DYNC1H1: variants seen among roughly 807,000 people sequenced by gnomAD.
DYNC1H1 encodes dynein cytoplasmic 1 heavy chain 1.
A neutral mutation model predicts 527.1 loss-of-function variants in DYNC1H1; 51 were observed. The observed-to-expected ratio is 0.10, with a 90% confidence interval of 0.08 to 0.12. The LOEUF is 0.12. Among genes scored for constraint, DYNC1H1 ranks in the 10% least tolerant of loss-of-function variants. DYNC1H1 has a pLI of 1.00. For synonymous variants in DYNC1H1, 2,189 were observed against 2,278.8 expected (o/e 0.96, Z 1.12); for missense variants, 2,771 against 5,971.8 (o/e 0.46, Z 17.66).
intron 34 of DYNC1H1, among the ~76,000 whole-genome samples, chr14:102,013,434 C>T (rs907304399): frequency 2.0e-5 from 3 of 152,004 alleles, no homozygotes; most frequent in South Asian, 2.1e-4. Flanking sequence ...TGAGCAGACA[C>T]TTAGGGGAGT....
At chr14:102,048,707 G>A (rs564237713) in intron 74 of DYNC1H1, 38 bp downstream of exon 74, 58 of 1,605,456 alleles carry the variant, frequency 3.6e-5, no homozygotes, top group African/African-American at 4.0e-5. Context: ...GGCTTCCGGC[G>A]GGCACCTTGG....
Position 102,042,619 on chromosome 14 carries a change from C to T in DYNC1H1, c.12400-16C>T, listed in dbSNP as rs541260458. ...CATCCACACCCGAGCATAACTGGAA[C>T]GGCGCTCTCCCTTAGGTGCCTGTGA... On this transcript the variant is annotated splice_polypyrimidine_tract_variant and intron_variant, in intron 68 of 77. Coordinates refer to ENST00000360184, the MANE Select transcript of DYNC1H1 (RefSeq NM_001376.5). This position sits in a 1 kb window ranked among gnomAD's most constrained non-coding sequence, Gnocchi z 5.7. The T allele has an allele frequency of 7.4e-6, 12 of 1,614,062 alleles. No individual in the cohort carries two copies. The highest frequency in any genetic ancestry group is 1.6e-4 in the Middle Eastern group (1 of 6,062).
Position 102,044,178 on chromosome 14 carries a change from C to G in DYNC1H1, c.12685-96C>G, listed in dbSNP as rs773133440. 2.2e-5 allele frequency: 35 copies of G among 1,583,682 alleles called. No individual in the cohort carries two copies. Among genetic ancestry groups the G allele is most frequent in the Non-Finnish European group, 2.9e-5 (34 of 1,165,556 alleles). ...TCGTGACCGCCAAAGCCTAGCTGGCCATGGGGAGTGAGGAGGAAAGCTGTG... is the reference window on the plus strand; with the variant it reads ...TCGTGACCGCCAAAGCCTAGCTGGCGATGGGGAGTGAGGAGGAAAGCTGTG... On this transcript the variant is annotated intron_variant, in intron 70 of 77. Coordinates refer to ENST00000360184, the MANE Select transcript of DYNC1H1 (RefSeq NM_001376.5). This position sits in a 1 kb window ranked among gnomAD's most constrained non-coding sequence, Gnocchi z 7.1.
At position 102,001,666 on chromosome 14, in the gene DYNC1H1, C is replaced by G; in HGVS notation, c.4527C>G (p.Leu1509=). The G allele has an allele frequency of 6.2e-7, 1 of 1,614,164 alleles. No homozygotes were observed. The highest frequency in any genetic ancestry group is 8.5e-7 in the Non-Finnish European group (1 of 1,180,050). The change falls in exon 21 of 78, where the codon CTC becomes CTG. Residue 1509 remains leucine (L), a synonymous_variant. Coordinates refer to ENST00000360184, the MANE Select transcript of DYNC1H1 (RefSeq NM_001376.5). The surrounding 1 kb of genome is among the most constrained non-coding windows in gnomAD (Gnocchi z 5.0). ...TCAACAGCGTCTCGGCCATGAAGCT[C>G]TCTCCGTATTACAAGGTGCTGTTGC... ...EHINSVSAMK[L]SPYYKVFEED...
intron 34 of DYNC1H1, among the ~76,000 whole-genome samples, chr14:102,014,900 C>T (rs982398607): frequency 6.6e-6 from 1 of 152,134 alleles, no homozygotes; most frequent in Admixed American, 6.6e-5. Context: ...ACTGCAGCCT[C>T]CACCTCCCAG....
chr14:102,050,443 A>G lies in DYNC1H1; in HGVS notation c.13821A>G (p.Leu4607=). The part of the protein sequence containing the change: ...NTEKKASVVT[L]PVYLNFTRAD... Reference sequence around the variant, plus strand: ...CCCCTCTGCTTCTGCAGGTAACCTTACCTGTCTACCTGAACTTCACCCGTG... The same window carrying G: ...CCCCTCTGCTTCTGCAGGTAACCTTGCCTGTCTACCTGAACTTCACCCGTG... Residue 4607 remains leucine, a synonymous_variant, in exon 78 of 78, where the codon TTA becomes TTG. Coordinates refer to ENST00000360184, the MANE Select transcript of DYNC1H1 (RefSeq NM_001376.5). 6.2e-7 allele frequency: 1 copy of G among 1,613,966 alleles called. No individual in the cohort carries two copies. Among genetic ancestry groups the G allele is most frequent in the Non-Finnish European group, 8.5e-7 (1 of 1,179,990 alleles).
Position 102,012,623 on chromosome 14 carries a change from C to T in DYNC1H1, c.7014+153C>T. 3 of 1,093,208 alleles carry T rather than the reference C, an allele frequency of 2.7e-6. No individual in the cohort carries two copies. Among genetic ancestry groups the T allele is most frequent in the South Asian group, 1.3e-5 (1 of 76,246 alleles). 67.7% of individuals were successfully genotyped at this position (1,093,208 alleles called of 1,614,324 possible). ...ATTTTCAAAGATAGCATCTCAACTG[C>T]TAGATTTTTTTTCCATTTCCATGGC... On this transcript the variant is annotated intron_variant, in intron 34 of 77. Coordinates refer to ENST00000360184, the MANE Select transcript of DYNC1H1 (RefSeq NM_001376.5). The surrounding 1 kb of genome is among the most constrained non-coding windows in gnomAD (Gnocchi z 4.9).
rs374433034 is a variant in DYNC1H1, at chr14:102,001,085, G to A, written c.4185+21G>A. ...TGAAGGTAGGTGGCCAGTATCGCAC[G>A]GTGATGAGTGTCCATTAGAAACGCA... On this transcript the variant is annotated intron_variant, in intron 19 of 77. Coordinates refer to ENST00000360184, the MANE Select transcript of DYNC1H1 (RefSeq NM_001376.5). This position sits in a 1 kb window ranked among gnomAD's most constrained non-coding sequence, Gnocchi z 5.0. The A allele has an allele frequency of 3.5e-5, 56 of 1,613,808 alleles. No individual in the cohort carries two copies. Among genetic ancestry groups the A allele is most frequent in the Admixed American group, 1.5e-4 (9 of 59,996 alleles).
intron 41 of DYNC1H1, among the ~76,000 whole-genome samples, chr14:102,019,555 G>A (rs955527264): frequency 1.4e-4 from 22 of 152,198 alleles, no homozygotes; most frequent in Non-Finnish European, 2.8e-4. Flanking sequence ...AAAGTGAGCA[G>A]CTTGAATCTA....
chr14:101,990,749 G>T (rs535205423), intron 10 of DYNC1H1, among the ~76,000 whole-genome samples: 113 of 152,044 alleles, frequency 7.4e-4, no homozygotes, highest in Non-Finnish European at 1.2e-3. Context: ...GGTGGCTCAT[G>T]CCTGTAATCC....
At chr14:101,998,569 G>A (rs2048091841) in intron 16 of DYNC1H1, among the ~76,000 whole-genome samples, 1 of 152,206 alleles carries the variant, frequency 6.6e-6, no homozygotes, top group African/African-American at 2.4e-5. Context: ...CTCATTTGGG[G>A]ATGTAAGTTT....
rs2048139057 is a variant in DYNC1H1, at chr14:102,002,159, G to A, written c.4543-378G>A. Among the ~76,000 whole-genome samples the A allele has an allele frequency of 6.7e-6, 1 of 150,262 alleles. No homozygotes were observed. Among genetic ancestry groups the A allele is most frequent in the African/African-American group, 2.5e-5 (1 of 40,778 alleles). The stretch of plus-strand genomic sequence containing the variant: ...GGAGTCTCGCTCTGTCACCCAGGCT[G>A]GAGTGCAATGGCACGATCTCGGCTC... On this transcript the variant is annotated intron_variant, in intron 21 of 77. Coordinates refer to ENST00000360184, the MANE Select transcript of DYNC1H1 (RefSeq NM_001376.5). This position sits in a 1 kb window ranked among gnomAD's most constrained non-coding sequence, Gnocchi z 4.4.
rs776114149 is a variant in DYNC1H1 at position 102,049,995 on chromosome 14, C to T, written c.13685-76C>T. The T allele has an allele frequency of 6.8e-6, 11 of 1,614,060 alleles. No individual in the cohort carries two copies. The highest frequency in any genetic ancestry group is 8.5e-6 in the Non-Finnish European group (10 of 1,179,996). On this transcript the variant is annotated intron_variant, in intron 76 of 77. Transcript: ENST00000360184. This position sits in a 1 kb window ranked among gnomAD's most constrained non-coding sequence, Gnocchi z 5.5. ...TGACCGGCTGGCAGTTGGGTGGAGC[C>T]TCTGGGCGCCCTGTGACTGGGGTTT...
Position 102,027,086 on chromosome 14 carries a change from T to C in DYNC1H1, c.8772-88T>C. The C allele has an allele frequency of 2.1e-6, 3 of 1,412,738 alleles. No homozygotes were observed. The highest frequency in any genetic ancestry group is 3.3e-5 in the Admixed American group (2 of 59,756). 87.5% of individuals were successfully genotyped at this position (1,412,738 alleles called of 1,614,324 possible). Reference sequence around the variant, plus strand: ...ATATACAAGTTCAAGTTAAAACATGTCCAAAATACTGTAGACACTAGATAT... The same window carrying C: ...ATATACAAGTTCAAGTTAAAACATGCCCAAAATACTGTAGACACTAGATAT... On this transcript the variant is annotated intron_variant, in intron 44 of 77. Transcript: ENST00000360184. The surrounding 1 kb of genome is among the most constrained non-coding windows in gnomAD (Gnocchi z 7.7).
In DYNC1H1 at chr14:101,964,708, G is replaced by T; in HGVS notation, c.17G>T (p.Gly6Val). Reference protein sequence around the residue: MSEPGGGGGEDGSAGL... With the variant: MSEPGVGGGEDGSAGL... ...CGCGACACCATGTCGGAGCCCGGGG[G>T]CGGCGGCGGCGAGGACGGCTCGGCC... is the stretch of plus-strand genomic sequence containing the variant. Residue 6 changes from glycine to valine, a missense_variant, in exon 1 of 78, where the codon GGC becomes GTC. Around this residue, in one of 32 missense-constraint regions of DYNC1H1, gnomAD observed 101 missense variants for 105.3 expected, o/e 0.96. Transcript: ENST00000360184. This position sits in a 1 kb window ranked among gnomAD's most constrained non-coding sequence, Gnocchi z 5.5. The T allele has an allele frequency of 2.5e-6, 4 of 1,595,206 alleles. No homozygotes were observed. Among genetic ancestry groups the T allele is most frequent in the Non-Finnish European group, 2.6e-6 (3 of 1,175,662 alleles).
chr14:102,036,802 T>G lies in DYNC1H1; in HGVS notation c.10908+160T>G. The G allele has an allele frequency of 9.4e-7, 1 of 1,062,154 alleles. No homozygotes were observed. The highest frequency in any genetic ancestry group is 1.4e-6 in the Non-Finnish European group (1 of 712,200). The allele number at this position is 1,062,154 out of a possible 1,614,324, so 65.8% of individuals were successfully genotyped here. On this transcript the variant is annotated intron_variant, in intron 57 of 77. Coordinates refer to ENST00000360184, the MANE Select transcript of DYNC1H1 (RefSeq NM_001376.5). The surrounding 1 kb of genome is among the most constrained non-coding windows in gnomAD (Gnocchi z 5.6). ...AGATAAATTCAACAGAATCATTATT[T>G]GCATTTAAAATTCTATTCAGTGGTC...
rs758423782 is a variant in DYNC1H1 at position 101,987,641 on chromosome 14, T to C, written c.2718+9T>C. The C allele has an allele frequency of 1.9e-6, 3 of 1,614,136 alleles. No homozygotes were observed. The highest frequency in any genetic ancestry group is 1.1e-5 in the South Asian group (1 of 91,076). ...ACAAGCTTGACATGGAGGTAAGGGATAGAATTTGCTAGCATTTTCCTCCTT... is the reference window on the plus strand; with the variant it reads ...ACAAGCTTGACATGGAGGTAAGGGACAGAATTTGCTAGCATTTTCCTCCTT... On this transcript the variant is annotated intron_variant, in intron 9 of 77. Coordinates refer to ENST00000360184, the MANE Select transcript of DYNC1H1 (RefSeq NM_001376.5).
intron 1 of DYNC1H1, among the ~76,000 whole-genome samples, chr14:101,972,777 A>G (rs2047754577): frequency 6.6e-6 from 1 of 152,162 alleles, no homozygotes; most frequent in Non-Finnish European, 1.5e-5. Flanking sequence ...ATTTCCTTTG[A>G]TCATTATAGA....
Position 102,049,962 on chromosome 14 carries a change from A to AC in DYNC1H1, c.13684+81dup. 6.7e-7 allele frequency: 1 copy of AC among 1,489,684 alleles called. No individual in the cohort carries two copies. Among genetic ancestry groups the AC allele is most frequent in the Non-Finnish European group, 9.0e-7 (1 of 1,115,154 alleles). The allele number at this position is 1,489,684 out of a possible 1,614,324, so 92.3% of individuals were successfully genotyped here. The stretch of plus-strand genomic sequence containing the variant: ...GAGACCATTGTTCCCAGATACATGC[A>AC]CTTAGGGTGACCGGCTGGCAGTTGG... On this transcript the variant is annotated intron_variant, in intron 76 of 77. Transcript: ENST00000360184. This position sits in a 1 kb window ranked among gnomAD's most constrained non-coding sequence, Gnocchi z 5.5.
Sources: allele counts gnomAD v4.1 joint callset (sites outside exome capture counted in the v4.1 genomes callset), GRCh38; gene constraint gnomAD v4.1.1; regional missense constraint gnomAD v4.1.1; non-coding constraint Gnocchi (gnomAD v3.1); transcripts MANE v1.5; gene names NCBI Gene and HGNC (gene_info 2026-07-23, HGNC 2026-07-21).